The following MPRIP variants were observed in gnomAD, a reference collection of about 807,000 sequenced individuals.
MPRIP encodes myosin phosphatase Rho interacting protein, also known as myosin phosphatase Rho-interacting protein.
Under a neutral mutation model 234.9 loss-of-function variants are expected in MPRIP, and 59 were observed. That is an observed-to-expected ratio of 0.25 (90% CI 0.20 to 0.31). The LOEUF (loss-of-function observed/expected upper bound fraction) is 0.31. Among genes scored for constraint, MPRIP ranks in the 10% least tolerant of loss-of-function variants. The pLI, the probability that MPRIP is intolerant of heterozygous loss-of-function variation, is 1.00. For missense variants in MPRIP, 2,436 were observed against 3,071.0 expected (o/e 0.79, Z 4.89); for synonymous variants, 1,144 against 1,263.9 (o/e 0.91, Z 2.01).
chr17:17,047,099 TG>T (rs1330605371), intron 1 of MPRIP, among the ~76,000 whole-genome samples: 1 of 152,182 alleles, frequency 6.6e-6, no homozygotes, highest in African/African-American at 2.4e-5. Context: ...GAGAATTGCT[TG>T]AACCCAGGAG....
intron 1 of MPRIP, among the ~76,000 whole-genome samples, chr17:17,059,591 C>T (rs2088810999): frequency 1.3e-5 from 2 of 152,264 alleles, no homozygotes; most frequent in Admixed American, 6.5e-5. Context: ...CATTTGCCCC[C>T]TCCCAGGGAA....
intron 15 of MPRIP, among the ~76,000 whole-genome samples, chr17:17,161,788 G>A (rs1487547742): frequency 6.6e-6 from 1 of 152,162 alleles, no homozygotes; most frequent in East Asian, 1.9e-4. Flanking sequence ...ACAACCAACA[G>A]CAAGTCAGTG....
At chr17:17,100,617 T>G (rs1225900903) in intron 3 of MPRIP, among the ~76,000 whole-genome samples, 1 of 152,120 alleles carries the variant, frequency 6.6e-6, no homozygotes, top group Non-Finnish European at 1.5e-5. Context: ...AAGCCAGTTC[T>G]GAACTGCACA....
Position 17,167,059 on chromosome 17 carries a change from C to T in MPRIP, c.5468C>T (p.Ser1823Leu). 3.8e-6 allele frequency: 5 copies of T among 1,304,322 alleles called. No individual in the cohort carries two copies. The highest frequency in any genetic ancestry group is 5.1e-6 in the Non-Finnish European group (5 of 988,970). 80.8% of individuals were successfully genotyped at this position (1,304,322 alleles called of 1,614,324 possible). A position where few individuals can be genotyped will look rare whatever the true frequency, so the allele number is the denominator to read the frequency against. ...QKLLQVSQSL[S>L]YNTCLGGLGQ... ...CTTCTCCAGGTGTCCCAGAGTCTCT[C>T]GTATAACACTTGTTTGGGAGGCCTC... Residue 1823 changes from serine (S) to leucine (L), a missense_variant, in exon 16 of 24, where the codon TCG becomes TTG. Ser to Leu is a moderately radical substitution (Grantham distance 145, BLOSUM62 -2). Coordinates refer to ENST00000651222, the MANE Select transcript of MPRIP (RefSeq NM_001364716.4). The surrounding 1 kb of genome is among the most constrained non-coding windows in gnomAD (Gnocchi z 5.9).
Position 17,192,454 on chromosome 17 carries a change from G to T in MPRIP, c.*7560G>T. ...GGGGGGGGGGGGGGAGGGGCGTCTT[G>T]AGGCTTTTTTTTTTTTTACAAAGTT... On this transcript the variant is annotated 3_prime_UTR_variant, in exon 24 of 24. Transcript: ENST00000651222. The T allele has an allele frequency of 1.7e-5, 2 of 119,948 alleles. No homozygotes were observed. The highest frequency in any genetic ancestry group is 1.8e-5 in the Non-Finnish European group (1 of 54,652). 7.4% of individuals were successfully genotyped at this position (119,948 alleles called of 1,614,324 possible).
chr17:17,176,988 C>T (rs190595935), intron 21 of MPRIP, among the ~76,000 whole-genome samples: 94 of 152,308 alleles, frequency 6.2e-4, no homozygotes, highest in Admixed American at 2.2e-3. Context: ...CCAGGCTGGT[C>T]GGGCAATCCC....
intron 4 of MPRIP, among the ~76,000 whole-genome samples, chr17:17,130,861 A>AGT (rs2090583677): frequency 3.3e-5 from 5 of 152,066 alleles, no homozygotes; most frequent in Admixed American, 3.3e-4. Flanking sequence ...AAAATTCTAT[A>AGT]TGGTGGAAGT....
intron 3 of MPRIP, among the ~76,000 whole-genome samples, chr17:17,126,454 C>T (rs1372107122): frequency 1.3e-5 from 2 of 152,180 alleles, no homozygotes; most frequent in Non-Finnish European, 2.9e-5. Flanking sequence ...CCTGCATATC[C>T]CCTCCAGTGC....
rs1182524181 is a variant in MPRIP, at chr17:17,143,580, GCTC to G, written c.1418_1420del (p.Pro473del). 2.5e-6 allele frequency: 4 copies of G among 1,600,970 alleles called. No individual in the cohort carries two copies. Among genetic ancestry groups the G allele is most frequent in the Middle Eastern group, 3.3e-4 (2 of 6,058 alleles). ...GGACTTCACCAATGAAGCCCCCCCAGCTCCTCTCCCAGACGCCTCGGCTTCCCC... is the reference window on the plus strand; with the variant it reads ...GGACTTCACCAATGAAGCCCCCCCAGCTCTCCCAGACGCCTCGGCTTCCCC... On this transcript the variant is annotated inframe_deletion, in exon 9 of 24. Coordinates refer to ENST00000651222, the MANE Select transcript of MPRIP (RefSeq NM_001364716.4).
At chr17:17,045,521 A>G (rs1035901011) in intron 1 of MPRIP, among the ~76,000 whole-genome samples, 1 of 152,200 alleles carries the variant, frequency 6.6e-6, no homozygotes, top group African/African-American at 2.4e-5. Context: ...TTCTGAAGCC[A>G]ATGTTAGTTC....
chr17:17,104,487 G>T (rs1008223155), intron 3 of MPRIP, among the ~76,000 whole-genome samples: 1 of 152,136 alleles, frequency 6.6e-6, no homozygotes, highest in Non-Finnish European at 1.5e-5. Flanking sequence ...CAGCTGGGTG[G>T]CCGTGTCTTT....
intron 3 of MPRIP, among the ~76,000 whole-genome samples, chr17:17,113,247 A>G (rs775491077): frequency 6.6e-6 from 1 of 152,230 alleles, no homozygotes; most frequent in Non-Finnish European, 1.5e-5. Flanking sequence ...AGGGACAGAA[A>G]TGCCAGAGAA....
chr17:17,130,316 C>T (rs913632273), intron 4 of MPRIP, among the ~76,000 whole-genome samples: 1 of 151,962 alleles, frequency 6.6e-6, no homozygotes, highest in Non-Finnish European at 1.5e-5. Flanking sequence ...CTGACCCTTC[C>T]TTTGTCTGTT....
intron 1 of MPRIP, among the ~76,000 whole-genome samples, chr17:17,044,158 C>T (rs1010178538): frequency 6.6e-6 from 1 of 152,184 alleles, no homozygotes; most frequent in Non-Finnish European, 1.5e-5. Context: ...TTCCTTTCAT[C>T]TAAACCCCAA....
In MPRIP at chr17:17,082,455, C is replaced by G. The variant is rs546727765; in HGVS notation, c.267+4379C>G. 2.6e-4 allele frequency among the ~76,000 whole-genome samples: 39 copies of G among 151,888 alleles called. No individual in the cohort carries two copies. The South Asian group carries it at 6.0e-3, about 24-fold the overall frequency. The stretch of plus-strand genomic sequence containing the variant: ...GGATTACAGGCATGGGCCACCATGC[C>G]CAGCTAATTTTGTATTTTTAGTAGA... On this transcript the variant is annotated intron_variant, in intron 3 of 23. Transcript: ENST00000651222.
chr17:17,151,445 C>T (rs747639104), intron 12 of MPRIP, among the ~76,000 whole-genome samples: 3 of 152,110 alleles, frequency 2.0e-5, no homozygotes, highest in Admixed American at 6.5e-5. Flanking sequence ...GAGCATTGCC[C>T]GGAAGCCCAC....
chr17:17,150,101 C>G (rs778925669), intron 11 of MPRIP, 43 bp from the exon 12 acceptor site: 2 of 1,492,830 alleles, frequency 1.3e-6, no homozygotes, highest in Middle Eastern at 3.4e-4. Context: ...GGCATTGGTT[C>G]TACTTCCTAA....
intron 13 of MPRIP, among the ~76,000 whole-genome samples, chr17:17,157,604 G>A (rs568605475): frequency 1.3e-5 from 2 of 152,138 alleles, no homozygotes; most frequent in Non-Finnish European, 2.9e-5. Context: ...GGAGGCAGGC[G>A]GATCACCTGA....
intron 1 of MPRIP, among the ~76,000 whole-genome samples, chr17:17,065,381 A>ATTTT (rs59705934): frequency 8.9e-6 from 1 of 111,812 alleles, no homozygotes. Flanking sequence ...GCTTGAGATG[A>ATTTT]TTTTTTTTTT....
Sources: gnomAD v4.1 joint callset for allele counts (sites outside exome capture counted in the v4.1 genomes callset) on GRCh38, gnomAD v4.1.1 for gene constraint, Gnocchi (gnomAD v3.1) non-coding constraint, MANE v1.5 for transcripts, NCBI Gene and HGNC (gene_info 2026-07-23, HGNC 2026-07-21) for gene names.